The following DNAH11 variants were observed in gnomAD, a reference collection of about 807,000 sequenced individuals.
The protein encoded by DNAH11 is axonemal beta dynein heavy chain 11.
A neutral mutation model predicts 526.0 loss-of-function variants in DNAH11; 442 were observed. The observed-to-expected ratio is 0.84, with a 90% confidence interval of 0.78 to 0.91. The LOEUF (loss-of-function observed/expected upper bound fraction) is 0.91. Ranked by LOEUF, DNAH11 falls within the 40% of genes least tolerant of loss-of-function variation. DNAH11 has a pLI of 0.00. For synonymous variants in DNAH11, 2,461 were observed against 1,935.9 expected, an observed-to-expected ratio of 1.27 and a Z score of -7.12; for missense variants, 6,989 against 5,448.7, an observed-to-expected ratio of 1.28 and a Z score of -8.90.
intron 28 of DNAH11, among the ~76,000 whole-genome samples, chr7:21,654,286 A>G (rs1385172143): frequency 6.6e-6 from 1 of 152,078 alleles, no homozygotes; most frequent in East Asian, 1.9e-4. Context: ...GTCTGTATCT[A>G]TGGATTTATC....
At position 21,600,770 on chromosome 7, in the gene DNAH11, A is replaced by T; in HGVS notation, c.3095A>T (p.Asn1032Ile). Residue 1032 changes from asparagine to isoleucine, a missense_variant, in exon 16 of 82, where the codon AAC becomes ATC. Transcript: ENST00000409508. The stretch of plus-strand genomic sequence containing the variant: ...ATCAACAAAGTCTTAGATTTCAGAA[A>T]CACCCTGGAGACCCACACTTACCTC... ...NVINKVLDFR[N>I]TLETHTYLWV... 1 of 1,613,800 alleles carries T rather than the reference A, an allele frequency of 6.2e-7. No individual in the cohort carries two copies. The highest frequency in any genetic ancestry group is 1.3e-5 in the African/African-American group (1 of 74,992).
chr7:21,764,215 CTTAATA>C (rs781337184), intron 54 of DNAH11, among the ~76,000 whole-genome samples: 80 of 152,090 alleles, frequency 5.3e-4, no homozygotes, highest in Non-Finnish European at 8.2e-4. Flanking sequence ...ACATTTTGAT[CTTAATA>C]TTTATATAGC....
At chr7:21,880,023 T>G (rs1302656642) in intron 74 of DNAH11, among the ~76,000 whole-genome samples, 1 of 147,920 alleles carries the variant, frequency 6.8e-6, no homozygotes, top group Non-Finnish European at 1.5e-5. Context: ...AGGCAGAGGT[T>G]GCAATGAGCT....
chr7:21,818,239 G>T lies in DNAH11; in HGVS notation c.10591G>T (p.Ala3531Ser). The part of the protein sequence containing the change: ...QKGFLNAIET[A>S]LAFGDVILIE... ...AAGGTTTTTGAATGCCATTGAAACT[G>T]CTTTGGCCTTTGGTGATGTCATCTT... is the stretch of plus-strand genomic sequence containing the variant. Residue 3531 changes from alanine to serine, a missense_variant, in exon 65 of 82, where the codon GCT becomes TCT. Physicochemically the swap from Ala to Ser is moderately conservative, Grantham distance 99. Coordinates refer to ENST00000409508, the MANE Select transcript of DNAH11 (RefSeq NM_001277115.2). The T allele has an allele frequency of 6.2e-7, 1 of 1,611,960 alleles. No individual in the cohort carries two copies. Among genetic ancestry groups the T allele is most frequent in the Non-Finnish European group, 8.5e-7 (1 of 1,178,966 alleles).
At chr7:21,657,355 A>C (rs1382086628) in intron 29 of DNAH11, among the ~76,000 whole-genome samples, 1 of 152,134 alleles carries the variant, frequency 6.6e-6, no homozygotes, top group Non-Finnish European at 1.5e-5. Flanking sequence ...ATATGCACAT[A>C]ATAATGGAGG....
At chr7:21,715,131 C>T (rs1055208010) in intron 42 of DNAH11, among the ~76,000 whole-genome samples, 2 of 152,160 alleles carry the variant, frequency 1.3e-5, no homozygotes, top group Admixed American at 6.5e-5. Flanking sequence ...GCCATTTTTC[C>T]AGGCCACGGT....
At chr7:21,865,278 G>C (rs1783228254) in intron 70 of DNAH11, among the ~76,000 whole-genome samples, 1 of 152,098 alleles carries the variant, frequency 6.6e-6, no homozygotes, top group Non-Finnish European at 1.5e-5. Context: ...AAACATTTCT[G>C]TGCATTGGAA....
intron 76 of DNAH11, among the ~76,000 whole-genome samples, chr7:21,885,726 A>C (rs1160977903): frequency 6.6e-6 from 1 of 152,174 alleles, no homozygotes; most frequent in Admixed American, 6.5e-5. Context: ...GTACCCCATC[A>C]ATATGTACAA....
At chr7:21,545,744 A>T (rs1008011531) in intron 2 of DNAH11, among the ~76,000 whole-genome samples, 1 of 152,196 alleles carries the variant, frequency 6.6e-6, no homozygotes. Context: ...GGATTTTGTG[A>T]AAGAGGTTGG....
chr7:21,757,782 A>G (rs747882076), intron 54 of DNAH11, among the ~76,000 whole-genome samples: 90 of 152,220 alleles, frequency 5.9e-4, no homozygotes, highest in Admixed American at 1.5e-3. Context: ...CACCACTTGT[A>G]TGCAAGCAAC....
chr7:21,588,120 C>T lies in DNAH11; in HGVS notation c.1767C>T (p.Ser589=), dbSNP rs555285553. 6.7e-5 allele frequency: 108 copies of T among 1,613,314 alleles called. No homozygotes were observed. The East Asian group carries it at 2.1e-3, about 31-fold the overall frequency. The change falls in exon 10 of 82, where the codon AGC becomes AGT. Residue 589 remains serine (S), a synonymous_variant. Transcript: ENST00000409508. ...LEKPVVMEIF[S]LHYSTLVHMF... is the part of the protein sequence containing the mutation. ...AGCCAGTTGTCATGGAAATTTTCAG[C>T]CTACATTACAGCACACTAGTGCATA... is the stretch of plus-strand genomic sequence containing the variant.
At chr7:21,848,873 C>A (rs1197824302) in intron 66 of DNAH11, among the ~76,000 whole-genome samples, 1 of 151,906 alleles carries the variant, frequency 6.6e-6, no homozygotes, top group Non-Finnish European at 1.5e-5. Flanking sequence ...TACAACTAAT[C>A]TAACTCCATT....
intron 35 of DNAH11, among the ~76,000 whole-genome samples, chr7:21,694,996 G>T (rs543238890): frequency 2.0e-5 from 3 of 152,144 alleles, no homozygotes; most frequent in South Asian, 2.1e-4. Context: ...ATTCACAATT[G>T]CTACAAAGAG....
At chr7:21,859,748 T>G (rs538542914) in intron 68 of DNAH11, among the ~76,000 whole-genome samples, 1 of 152,182 alleles carries the variant, frequency 6.6e-6, no homozygotes, top group East Asian at 1.9e-4. Context: ...TATATTTATA[T>G]AGAGAGATAT....
In DNAH11 at chr7:21,710,847, C is replaced by G. The variant is rs574743463; in HGVS notation, c.6834+144C>G. On this transcript the variant is annotated intron_variant, in intron 41 of 81. Transcript: ENST00000409508. ...TATTATTTTGATAAGTGTTGCTTTC[C>G]TGATAATTTTCTTAATTTCACCATT... 16 of 872,954 alleles carry G rather than the reference C, an allele frequency of 1.8e-5. No homozygotes were observed. In the South Asian group the frequency reaches 3.3e-4, roughly 18 times the overall value. The allele number at this position is 872,954 out of a possible 1,614,324, so 54.1% of individuals were successfully genotyped here.
intron 24 of DNAH11, among the ~76,000 whole-genome samples, chr7:21,619,553 G>C (rs1207873346): frequency 6.6e-6 from 1 of 152,034 alleles, no homozygotes; most frequent in Non-Finnish European, 1.5e-5. Context: ...TTTTACACAT[G>C]GGGAAACTGA....
At chr7:21,718,225 T>C (rs905139606) in intron 43 of DNAH11, among the ~76,000 whole-genome samples, 9 of 152,196 alleles carry the variant, frequency 5.9e-5, no homozygotes, top group African/African-American at 2.2e-4. Flanking sequence ...TCTTAGCACA[T>C]AGTAGGTGCC....
At chr7:21,651,298 G>A (rs1781759780) in intron 28 of DNAH11, among the ~76,000 whole-genome samples, 1 of 152,106 alleles carries the variant, frequency 6.6e-6, no homozygotes, top group African/African-American at 2.4e-5. Context: ...CAGAAAGCAA[G>A]CGGTATGGTT....
In DNAH11 at chr7:21,558,372, C is replaced by T. The variant is rs558689374; in HGVS notation, c.496-430C>T. ...GGCTGAATAAACATCTTTCTGACTACCCAAACTTTAATCCTCTGGGATGCC... is the reference window on the plus strand; with the variant it reads ...GGCTGAATAAACATCTTTCTGACTATCCAAACTTTAATCCTCTGGGATGCC... On this transcript the variant is annotated intron_variant, in intron 2 of 81. Transcript: ENST00000409508. 2.6e-5 allele frequency among the ~76,000 whole-genome samples: 4 copies of T among 152,250 alleles called. No homozygotes were observed. In the South Asian group the frequency reaches 8.3e-4, roughly 32 times the overall value.
Sources: gnomAD v4.1 joint callset for allele counts (sites outside exome capture counted in the v4.1 genomes callset) on GRCh38, gnomAD v4.1.1 for gene constraint, MANE v1.5 for transcripts, NCBI Gene and HGNC (gene_info 2026-07-23, HGNC 2026-07-21) for gene names.